SYTL2: variants seen among roughly 807,000 people sequenced by gnomAD.
SYTL2 encodes the protein synaptotagmin like 2.
Under a neutral mutation model 198.7 loss-of-function variants are expected in SYTL2, and 165 were observed. That is an observed-to-expected ratio of 0.83 (90% CI 0.73 to 0.94). The LOEUF is 0.94. SYTL2 is among the 40% of genes least tolerant of loss of function. The probability of loss-of-function intolerance (pLI) is 0.00; values close to 1 mark genes in which losing one functional copy is unlikely to be tolerated. For missense variants in SYTL2, 2,835 were observed against 2,582.8 expected (o/e 1.10, Z -2.12); for synonymous variants, 966 against 917.7 (o/e 1.05, Z -0.95).
At position 85,725,650 on chromosome 11, in the gene SYTL2, G is replaced by C; in HGVS notation, c.3708C>G (p.Ile1236Met). Residue 1236 changes from isoleucine to methionine, a missense_variant, in exon 8 of 20, where the codon ATC (isoleucine) becomes ATG (methionine). Physicochemically the swap from Ile to Met is conservative, Grantham distance 10 (BLOSUM62 1). Around this residue, in one of 3 missense-constraint regions of SYTL2, gnomAD observed 2,645 missense variants for 2,381.7 expected, o/e 1.11. Coordinates refer to ENST00000359152, the MANE Select transcript of SYTL2 (RefSeq NM_206927.4). ...SPLQAKLAPV[I>M]TGTNSKLEEG... ...CTTCCAGCTTAGAGTTGGTTCCAGT[G>C]ATAACAGGCGCCAACTTGGCTTGCA... 6.2e-7 allele frequency: 1 copy of C among 1,614,098 alleles called. No individual in the cohort carries two copies. The highest frequency in any genetic ancestry group is 8.5e-7 in the Non-Finnish European group (1 of 1,180,016).
At chr11:85,702,105 T>A (rs1038225288) in intron 16 of SYTL2, among the ~76,000 whole-genome samples, 1 of 151,956 alleles carries the variant, frequency 6.6e-6, no homozygotes, top group Non-Finnish European at 1.5e-5. Context: ...CGTTTCTAGG[T>A]CAGCTGCATT....
rs2089292329 is a variant in SYTL2, at chr11:85,727,130, A to G, written c.2228T>C (p.Leu743Pro). Residue 743 changes from leucine (L) to proline (P), a missense_variant, in exon 8 of 20, where the codon CTG becomes CCG. Physicochemically the swap from Leu to Pro is moderately conservative, Grantham distance 98. Transcript: ENST00000359152. ...RKSKVGNTYI[L>P]KASLEPENIK... ...ATTCTCTGGCTCTAAGGAGGCTTTCAGGATATAGGTATTTCCTACTTTGCT... is the reference window on the plus strand; with the variant it reads ...ATTCTCTGGCTCTAAGGAGGCTTTCGGGATATAGGTATTTCCTACTTTGCT... The G allele has an allele frequency of 6.5e-7, 1 of 1,535,780 alleles. No homozygotes were observed.
chr11:85,731,852 T>C (rs958231084), intron 7 of SYTL2, among the ~76,000 whole-genome samples: 1 of 152,140 alleles, frequency 6.6e-6, no homozygotes, highest in African/African-American at 2.4e-5. Flanking sequence ...AGGGCTAATA[T>C]ACAGAATCTA....
At chr11:85,838,282 G>A in the SYTL2 span, among the ~76,000 whole-genome samples, 14 of 152,214 alleles carry the variant, frequency 9.2e-5, no homozygotes, top group Non-Finnish European at 1.5e-4. Context: ...GATACCAGCA[G>A]GAAATATATT....
In SYTL2 at chr11:85,727,791, G is replaced by A; in HGVS notation, c.1567C>T (p.Leu523=). The change falls in exon 8 of 20, where the codon CTA becomes TTA. Residue 523 remains leucine (L), a synonymous_variant. Coordinates refer to ENST00000359152, the MANE Select transcript of SYTL2 (RefSeq NM_206927.4). Reference sequence around the variant, plus strand: ...TAAGAACTTCGGTTAAACCAGTCTAGAACTTTAAATATGGAATCATCAGTT... The same window carrying A: ...TAAGAACTTCGGTTAAACCAGTCTAAAACTTTAAATATGGAATCATCAGTT... ...KSTDDSIFKV[L]DWFNRSSYSD... 5 of 1,596,880 alleles carry A rather than the reference G, an allele frequency of 3.1e-6. No individual in the cohort carries two copies. The highest frequency in any genetic ancestry group is 1.1e-5 in the South Asian group (1 of 88,198).
intron 1 of SYTL2, among the ~76,000 whole-genome samples, chr11:85,779,042 T>C (rs544081161): frequency 3.9e-5 from 6 of 152,154 alleles, no homozygotes; most frequent in South Asian, 2.1e-4. Flanking sequence ...TAGTGTACTA[T>C]ACTATATATA....
At chr11:85,787,778 C>T (rs977920331) in intron 1 of SYTL2, among the ~76,000 whole-genome samples, 18 of 137,598 alleles carry the variant, frequency 1.3e-4, no homozygotes, top group African/African-American at 3.5e-4. Flanking sequence ...TGGAGGAAGA[C>T]ACCTGAAAAG....
At chr11:85,813,936 G>A (rs2093058515), upstream of SYTL2, among the ~76,000 whole-genome samples, 1 of 152,088 alleles carries the variant, frequency 6.6e-6, no homozygotes, top group Admixed American at 6.5e-5. Flanking sequence ...TTGACCTCTT[G>A]AGCTGAAGCG....
chr11:85,824,131 G>T, the SYTL2 span, among the ~76,000 whole-genome samples: 2 of 152,158 alleles, frequency 1.3e-5, no homozygotes, highest in Non-Finnish European at 2.9e-5. Flanking sequence ...CTATGATGTG[G>T]TTAAAACAGT....
chr11:85,696,370 T>C lies in SYTL2; in HGVS notation c.6387A>G (p.Thr2129=). 1 of 1,613,924 alleles carries C rather than the reference T, an allele frequency of 6.2e-7. No homozygotes were observed. The highest frequency in any genetic ancestry group is 2.2e-5 in the East Asian group (1 of 44,874). The part of the protein sequence containing the change: ...SFVKCTILPD[T]SRKSRQKTRA... ...TTGTCTTCTGGCGACTTTTCCTACT[T>C]GTATCTGGAAGGATGGTACTACAAA... Residue 2129 remains threonine, a synonymous_variant, in exon 19 of 20, where the codon ACA becomes ACG. Coordinates refer to ENST00000359152, the MANE Select transcript of SYTL2 (RefSeq NM_206927.4).
chr11:85,808,065 T>TATC (rs2092982756), intron 1 of SYTL2, among the ~76,000 whole-genome samples: 1 of 151,654 alleles, frequency 6.6e-6, no homozygotes, highest in South Asian at 2.1e-4. Flanking sequence ...TTTATATCAT[T>TATC]ATTATTATTA....
intron 1 of SYTL2, among the ~76,000 whole-genome samples, chr11:85,798,090 C>T (rs762265106): frequency 4.0e-5 from 6 of 151,718 alleles, no homozygotes; most frequent in Admixed American, 6.6e-5. Flanking sequence ...AACTCCTGAC[C>T]TCAAGTGATC....
At chr11:85,728,009 C>T in intron 7 of SYTL2, 42 bp from the exon 8 acceptor site, 1 of 1,484,772 alleles carries the variant, frequency 6.7e-7, no homozygotes, top group South Asian at 1.3e-5. Flanking sequence ...AAAGAGCATG[C>T]TTAAAGAACT....
chr11:85,729,877 T>A (rs1006494689), intron 7 of SYTL2, among the ~76,000 whole-genome samples: 10 of 151,692 alleles, frequency 6.6e-5, no homozygotes, highest in Non-Finnish European at 1.2e-4. Context: ...GACAGAAGAA[T>A]CAAATAGACA....
intron 1 of SYTL2, among the ~76,000 whole-genome samples, chr11:85,791,058 T>G (rs2092721446): frequency 6.8e-6 from 1 of 146,862 alleles, no homozygotes; most frequent in African/African-American, 2.5e-5. Context: ...TCCCGGCTAC[T>G]TGGGAGGCGG....
intron 3 of SYTL2, 61 bp from the exon 4 acceptor site, chr11:85,745,833 C>G: frequency 2.7e-6 from 4 of 1,501,448 alleles, no homozygotes; most frequent in Non-Finnish European, 3.6e-6. Flanking sequence ...CTACAACTCT[C>G]TTATCAGCTC....
intron 8 of SYTL2, among the ~76,000 whole-genome samples, chr11:85,722,683 C>T (rs489896): frequency 0.69 from 105,382 of 151,674 alleles, 36,780 homozygotes; most frequent in Middle Eastern, 0.73. Context: ...CTTGCCATTA[C>T]ATTAATTAAT....
At chr11:85,779,324 TTATTGC>T (rs1490812598) in intron 1 of SYTL2, among the ~76,000 whole-genome samples, 3 of 152,172 alleles carry the variant, frequency 2.0e-5, no homozygotes, top group Non-Finnish European at 4.4e-5. Context: ...ACATGTGAAG[TTATTGC>T]TATTGCTATT....
In SYTL2 at chr11:85,726,632, T is replaced by C. The variant is rs1417231794; in HGVS notation, c.2726A>G (p.Glu909Gly). ...KVSLFQNKKN[E>G]PIKRSQVADS... The stretch of plus-strand genomic sequence containing the variant: ...TGCCACTTGTGATCTTTTTATAGGC[T>C]CATTTTTCTTATTCTGAAACAGAGA... Residue 909 changes from glutamate to glycine, a missense_variant, in exon 8 of 20, where the codon GAG (glutamate) becomes GGG (glycine). Glu to Gly is a moderately conservative substitution (Grantham distance 98). Around this residue, in one of 3 missense-constraint regions of SYTL2, gnomAD observed 2,645 missense variants for 2,381.7 expected, o/e 1.11. Coordinates refer to ENST00000359152, the MANE Select transcript of SYTL2 (RefSeq NM_206927.4). The C allele has an allele frequency of 6.5e-7, 1 of 1,539,180 alleles. No individual in the cohort carries two copies.
Sources: allele counts gnomAD v4.1 joint callset (sites outside exome capture counted in the v4.1 genomes callset), GRCh38; gene constraint gnomAD v4.1.1; regional missense constraint gnomAD v4.1.1; transcripts MANE v1.5; gene names NCBI Gene and HGNC (gene_info 2026-07-23, HGNC 2026-07-21).